Variants in WDR7 observed in about 807,000 individuals in gnomAD.
WDR7 encodes the protein WD repeat domain 7, also known as WD repeat-containing protein 7.
A neutral mutation model predicts 169.4 loss-of-function variants in WDR7; 46 were observed. The observed-to-expected ratio is 0.27, with a 90% confidence interval of 0.21 to 0.35. The LOEUF (loss-of-function observed/expected upper bound fraction) is 0.35. WDR7 is among the 10% of genes least tolerant of loss of function. The pLI, the probability that WDR7 is intolerant of heterozygous loss-of-function variation, is 1.00. For synonymous variants in WDR7, 612 were observed against 666.8 expected (o/e 0.92, Z 1.27); for missense variants, 1,534 against 1,859.3 (o/e 0.83, Z 3.22).
chr18:56,996,114 AC>A (rs1336298735), intron 26 of WDR7, among the ~76,000 whole-genome samples: 27 of 152,268 alleles, frequency 1.8e-4, no homozygotes, highest in African/African-American at 6.3e-4. Context: ...TAAGGAGCTG[AC>A]TGTGATCTCT....
At chr18:56,847,918 G>A (rs943555241) in intron 20 of WDR7, among the ~76,000 whole-genome samples, 18 of 152,354 alleles carry the variant, frequency 1.2e-4, no homozygotes, top group African/African-American at 3.1e-4. Flanking sequence ...AGCCTGCCAC[G>A]GGGCACAGTC....
At chr18:56,836,790 C>T (rs531729091) in intron 20 of WDR7, among the ~76,000 whole-genome samples, 18 of 152,196 alleles carry the variant, frequency 1.2e-4, no homozygotes, top group Admixed American at 7.2e-4. Context: ...CATTAGTCAA[C>T]GGGAATTTTT....
rs1343236692 is a variant in WDR7, at chr18:56,686,131, G to C, written c.597+99G>C. On this transcript the variant is annotated intron_variant, in intron 6 of 27. Transcript: ENST00000254442. ...CCTTCCATTTTTTTTAAGGGGGAAG[G>C]AAAAAGTGATTATTTTTTGATAATT... 9.2e-6 allele frequency: 9 copies of C among 980,908 alleles called. No individual in the cohort carries two copies. The African/African-American group carries it at 1.5e-4, about 17-fold the overall frequency. 60.8% of individuals were successfully genotyped at this position (980,908 alleles called of 1,614,324 possible). A position where few individuals can be genotyped will look rare whatever the true frequency, so the allele number is the denominator to read the frequency against.
chr18:56,734,359 G>A (rs1291309652), intron 14 of WDR7, among the ~76,000 whole-genome samples: 11 of 151,956 alleles, frequency 7.2e-5, no homozygotes, highest in Admixed American at 4.6e-4. Context: ...TTGGAGGACT[G>A]GAGTCTATAT....
intron 20 of WDR7, among the ~76,000 whole-genome samples, chr18:56,840,094 A>G (rs2045458378): frequency 6.6e-6 from 1 of 151,332 alleles, no homozygotes; most frequent in South Asian, 2.1e-4. Context: ...AAAAACAAAC[A>G]AAAAAATAAG....
chr18:56,821,879 G>A (rs1232480804), intron 20 of WDR7, among the ~76,000 whole-genome samples: 1 of 151,992 alleles, frequency 6.6e-6, no homozygotes, highest in African/African-American at 2.4e-5. Context: ...CGCACCTGTG[G>A]TCCCAGCTAC....
chr18:56,780,672 C>T lies in WDR7; in HGVS notation c.3067-861C>T, dbSNP rs150774628. Among the ~76,000 whole-genome samples, 1,319 of 152,154 alleles carry T rather than the reference C, an allele frequency of 8.7e-3. 4 individuals are homozygous for T. The highest frequency in any genetic ancestry group is 0.014 in the Non-Finnish European group (944 of 68,004). ...AAAATTAGCCGGTCGTGGTGGCATACGCCTGTAGTCCTAGCTACTTGGGAG... is the reference window on the plus strand; with the variant it reads ...AAAATTAGCCGGTCGTGGTGGCATATGCCTGTAGTCCTAGCTACTTGGGAG... On this transcript the variant is annotated intron_variant, in intron 18 of 27. Coordinates refer to ENST00000254442, the MANE Select transcript of WDR7 (RefSeq NM_015285.3).
rs368048771 is a variant in WDR7 at position 56,775,012 on chromosome 18, C to T, written c.2849-1770C>T. Among the ~76,000 whole-genome samples, 4 of 152,042 alleles carry T rather than the reference C, an allele frequency of 2.6e-5. 1 individual carries two copies. Among genetic ancestry groups the T allele is most frequent in the East Asian group, 3.9e-4 (2 of 5,178 alleles). ...TTAAACAATATTCTATTAAGACATA[C>T]GCCTATTCTAGCATTTCTGCCAGTA... On this transcript the variant is annotated intron_variant, in intron 16 of 27. Coordinates refer to ENST00000254442, the MANE Select transcript of WDR7 (RefSeq NM_015285.3).
intron 1 of WDR7, among the ~76,000 whole-genome samples, chr18:56,666,907 T>TA (rs2025037004): frequency 6.6e-6 from 1 of 151,838 alleles, no homozygotes; most frequent in African/African-American, 2.4e-5. Flanking sequence ...TTTTTTTTTT[T>TA]TGTCAATTAC....
At chr18:56,712,820 A>G (rs1279383713) in intron 12 of WDR7, among the ~76,000 whole-genome samples, 2 of 152,210 alleles carry the variant, frequency 1.3e-5, no homozygotes, top group African/African-American at 4.8e-5. Context: ...GAGACAGTCA[A>G]TGGAGGTATA....
At chr18:56,690,169 A>G (rs951422552) in intron 7 of WDR7, among the ~76,000 whole-genome samples, 1 of 152,198 alleles carries the variant, frequency 6.6e-6, no homozygotes, top group African/African-American at 2.4e-5. Context: ...CTTTGGCTCT[A>G]TCACTTACTG....
intron 12 of WDR7, among the ~76,000 whole-genome samples, chr18:56,711,129 T>C (rs1044695457): frequency 6.6e-6 from 1 of 151,946 alleles, no homozygotes; most frequent in East Asian, 1.9e-4. Context: ...ATGTGGCTTC[T>C]GTTGTTGCTG....
intron 14 of WDR7, among the ~76,000 whole-genome samples, chr18:56,753,928 T>C (rs1372137714): frequency 1.3e-5 from 2 of 152,054 alleles, no homozygotes; most frequent in African/African-American, 4.8e-5. Context: ...AAAATATATA[T>C]TGATTATATG....
intron 26 of WDR7, among the ~76,000 whole-genome samples, chr18:56,986,880 C>A (rs1019162533): frequency 7.0e-6 from 1 of 143,048 alleles, no homozygotes; most frequent in Non-Finnish European, 1.5e-5. Context: ...TGCCATTAAA[C>A]CCTGTAAGTC....
intron 16 of WDR7, among the ~76,000 whole-genome samples, chr18:56,763,484 G>A (rs565440131): frequency 1.6e-4 from 25 of 152,214 alleles, no homozygotes; most frequent in Non-Finnish European, 3.4e-4. Context: ...AGTTTGTTAG[G>A]TACAATTTGC....
chr18:56,737,958 ATATAT>A (rs1329083487), intron 14 of WDR7, among the ~76,000 whole-genome samples: 1 of 152,146 alleles, frequency 6.6e-6, no homozygotes, highest in Non-Finnish European at 1.5e-5. Flanking sequence ...TATGTTGATA[ATATAT>A]TATTATATAT....
At chr18:56,744,245 G>GAAAAAAAA (rs58110613) in intron 14 of WDR7, among the ~76,000 whole-genome samples, 35 of 86,874 alleles carry the variant, frequency 4.0e-4, no homozygotes, top group African/African-American at 4.9e-4. Flanking sequence ...TCTCAAAAAA[G>GAAAAAAAA]AAAAAAAAAA....
intron 16 of WDR7, among the ~76,000 whole-genome samples, chr18:56,760,812 G>T (rs185124748): frequency 6.6e-6 from 1 of 152,246 alleles, no homozygotes; most frequent in East Asian, 1.9e-4. Flanking sequence ...AATATTAAGC[G>T]TTGACTAGGA....
chr18:57,007,501 A>G (rs1169916346), intron 26 of WDR7, among the ~76,000 whole-genome samples: 1 of 152,148 alleles, frequency 6.6e-6, no homozygotes, highest in Non-Finnish European at 1.5e-5. Flanking sequence ...TATGTTTTTG[A>G]TTGCAGAAAT....
Sources: allele counts gnomAD v4.1 joint callset (sites outside exome capture counted in the v4.1 genomes callset), GRCh38; gene constraint gnomAD v4.1.1; transcripts MANE v1.5; gene names NCBI Gene and HGNC (gene_info 2026-07-23, HGNC 2026-07-21).